PRKAG2: variants seen among roughly 807,000 people sequenced by gnomAD.
PRKAG2 encodes the protein 5'-AMP-activated protein kinase subunit gamma-2.
A neutral mutation model predicts 69.6 loss-of-function variants in PRKAG2; 26 were observed. The observed-to-expected ratio is 0.37, with a 90% CI of 0.27 to 0.52. PRKAG2 has a LOEUF of 0.52. Among genes scored for constraint, PRKAG2 ranks in the 20% least tolerant of loss-of-function variants. The pLI, the probability that PRKAG2 is intolerant of heterozygous loss-of-function variation, is 0.90. For missense variants in PRKAG2, 557 were observed against 740.0 expected, an observed-to-expected ratio of 0.75 and a Z score of 2.87; for synonymous variants, 293 against 285.0, an observed-to-expected ratio of 1.03 and a Z score of -0.28.
At chr7:151,732,133 C>CTT (rs59078328) in intron 3 of PRKAG2, among the ~76,000 whole-genome samples, 15 of 94,868 alleles carry the variant, frequency 1.6e-4, no homozygotes, top group South Asian at 3.9e-4. Context: ...CAGCACCTGG[C>CTT]TTTTTTTTTT....
Position 151,756,676 on chromosome 7 carries a change from G to A in PRKAG2, c.466+24476C>T, listed in dbSNP as rs568635247. Among the ~76,000 whole-genome samples the A allele has an allele frequency of 2.0e-4, 31 of 152,200 alleles. No individual in the cohort carries two copies. The highest frequency in any genetic ancestry group is 6.5e-4 in the African/African-American group (27 of 41,534). ...AACTGCAGCTCCTGGTTCCAGCCCC[G>A]CCAGGGCTCCCAGCGCCGCCCTCTT... On this transcript the variant is annotated intron_variant, in intron 3 of 15. Transcript: ENST00000287878. This position sits in a 1 kb window ranked among gnomAD's most constrained non-coding sequence, Gnocchi z 4.9.
intron 1 of PRKAG2, among the ~76,000 whole-genome samples, chr7:151,827,288 G>T (rs2078923794): frequency 6.6e-6 from 1 of 151,964 alleles, no homozygotes; most frequent in African/African-American, 2.4e-5. Flanking sequence ...GCCTAGGCTG[G>T]AGTGCAGTGG....
intron 1 of PRKAG2, among the ~76,000 whole-genome samples, chr7:151,826,241 C>T (rs187089841): frequency 2.0e-5 from 3 of 151,864 alleles, no homozygotes; most frequent in Admixed American, 1.3e-4. Flanking sequence ...AGTGCAGTGG[C>T]GTGACCTCGG....
chr7:151,575,894 G>A (rs1345090326), intron 7 of PRKAG2, among the ~76,000 whole-genome samples: 6 of 140,938 alleles, frequency 4.3e-5, no homozygotes, highest in East Asian at 4.1e-4. Context: ...TCAATGAGGC[G>A]GCAAAAAAAA....
chr7:151,664,582 C>T (rs1308539914), intron 4 of PRKAG2, among the ~76,000 whole-genome samples: 1 of 152,134 alleles, frequency 6.6e-6, no homozygotes, highest in Non-Finnish European at 1.5e-5. Context: ...GGCTTCTGTC[C>T]CTGGCTTTGA....
At chr7:151,559,529 A>T in intron 15 of PRKAG2, 1 of 982,666 alleles carries the variant, frequency 1.0e-6, no homozygotes, top group Non-Finnish European at 1.2e-6. Context: ...GCCTGGCCTG[A>T]GGACCACCTC....
intron 3 of PRKAG2, among the ~76,000 whole-genome samples, chr7:151,776,100 C>T (rs369796067): frequency 5.9e-5 from 9 of 152,134 alleles, no homozygotes; most frequent in Non-Finnish European, 1.2e-4. Context: ...CCATAGGGCT[C>T]GGGGAGGGAT....
rs1050780176 is a variant in PRKAG2 at position 151,835,457 on chromosome 7, G to A, written c.114+41050C>T. Reference sequence around the variant, plus strand: ...GATCCTCCCACCTCGGCCCCACAAAGTGCTGGGATTACAGGCATTAACCAC... The same window carrying A: ...GATCCTCCCACCTCGGCCCCACAAAATGCTGGGATTACAGGCATTAACCAC... On this transcript the variant is annotated intron_variant, in intron 1 of 15. Transcript: ENST00000287878. The surrounding 1 kb of genome is among the most constrained non-coding windows in gnomAD (Gnocchi z 4.1). 6.6e-6 allele frequency among the ~76,000 whole-genome samples: 1 copy of A among 152,072 alleles called. No individual in the cohort carries two copies. The highest frequency in any genetic ancestry group is 1.5e-5 in the Non-Finnish European group (1 of 67,998).
rs1796646802 is a variant in PRKAG2 at position 151,719,181 on chromosome 7, A to G, written c.467-43544T>C. Among the ~76,000 whole-genome samples, 1 of 152,184 alleles carries G rather than the reference A, an allele frequency of 6.6e-6. No homozygotes were observed. Among genetic ancestry groups the G allele is most frequent in the Non-Finnish European group, 1.5e-5 (1 of 68,030 alleles). On this transcript the variant is annotated intron_variant, in intron 3 of 15. Coordinates refer to ENST00000287878, the MANE Select transcript of PRKAG2 (RefSeq NM_016203.4). The surrounding 1 kb of genome is among the most constrained non-coding windows in gnomAD (Gnocchi z 5.2). ...CCAGCTCAGCGGTGGAAGCAGTGGA[A>G]GTGCAGACAGAAAGCCCCATGGCAG...
intron 3 of PRKAG2, among the ~76,000 whole-genome samples, chr7:151,755,002 G>T (rs2074982105): frequency 6.6e-6 from 1 of 152,148 alleles, no homozygotes; most frequent in Admixed American, 6.5e-5. Flanking sequence ...GTACATCAGG[G>T]AGTGCTCTTG....
intron 3 of PRKAG2, among the ~76,000 whole-genome samples, chr7:151,688,051 C>CCCT (rs1554539800): frequency 1.8e-4 from 26 of 145,852 alleles, no homozygotes; most frequent in African/African-American, 6.3e-4. Flanking sequence ...GGCCCCCCCC[C>CCCT]GGGCTCCTTG....
chr7:151,607,654 C>T (rs1817828016), intron 5 of PRKAG2, among the ~76,000 whole-genome samples: 1 of 152,164 alleles, frequency 6.6e-6, no homozygotes, highest in African/African-American at 2.4e-5. Context: ...GCCTCATCTC[C>T]TATCACATCC....
At chr7:151,755,327 C>T (rs2075013182) in intron 3 of PRKAG2, among the ~76,000 whole-genome samples, 1 of 152,094 alleles carries the variant, frequency 6.6e-6, no homozygotes, top group African/African-American at 2.4e-5. Context: ...TAGCAGAGGG[C>T]CTAGGGGACA....
chr7:151,563,593 A>G (rs1006130645), intron 14 of PRKAG2, among the ~76,000 whole-genome samples: 1 of 152,192 alleles, frequency 6.6e-6, no homozygotes, highest in Admixed American at 6.5e-5. Flanking sequence ...ACATCGATCT[A>G]TTTAGAGACA....
At chr7:151,796,548 G>C (rs924637646) in intron 1 of PRKAG2, among the ~76,000 whole-genome samples, 1 of 152,146 alleles carries the variant, frequency 6.6e-6, no homozygotes, top group Non-Finnish European at 1.5e-5. Context: ...GCCTTCGCAC[G>C]CTGGGTAACA....
intron 4 of PRKAG2, among the ~76,000 whole-genome samples, chr7:151,667,220 C>T (rs945196170): frequency 6.6e-6 from 1 of 152,190 alleles, no homozygotes; most frequent in Admixed American, 6.5e-5. Flanking sequence ...ACCCTCTGCC[C>T]AATCTTCCTG....
rs577566525 is a variant in PRKAG2 at position 151,807,543 on chromosome 7, A to G, written c.115-21002T>C. The G allele has an allele frequency of 8.7e-6, 4 of 457,864 alleles. No individual in the cohort carries two copies. The highest frequency in any genetic ancestry group is 6.0e-5 in the African/African-American group (3 of 50,202). The allele number at this position is 457,864 out of a possible 1,614,324, so 28.4% of individuals were successfully genotyped here. On this transcript the variant is annotated intron_variant, in intron 1 of 15. Coordinates refer to ENST00000287878, the MANE Select transcript of PRKAG2 (RefSeq NM_016203.4). This position sits in a 1 kb window ranked among gnomAD's most constrained non-coding sequence, Gnocchi z 4.4. ...CAACCTACGAGCTGAAATGGCCAGC[A>G]CTGCGCCTTCCAGAACCCAGCGTAG...
chr7:151,588,733 C>CT (rs1164182449), intron 6 of PRKAG2, among the ~76,000 whole-genome samples: 5 of 111,576 alleles, frequency 4.5e-5, no homozygotes, highest in East Asian at 3.7e-4. Flanking sequence ...TAAGACATGA[C>CT]TTGCTTCTCC....
rs74363213 is a variant in PRKAG2, at chr7:151,597,170, G to A, written c.755-1716C>T. Among the ~76,000 whole-genome samples, 714 of 152,214 alleles carry A rather than the reference G, an allele frequency of 4.7e-3. 4 individuals are homozygous for A. Among genetic ancestry groups the A allele is most frequent in the African/African-American group, 0.016 (663 of 41,532 alleles). On this transcript the variant is annotated intron_variant, in intron 5 of 15. Transcript: ENST00000287878. The stretch of plus-strand genomic sequence containing the variant: ...GACAAAGGTTCCAAGAATACACACC[G>A]GGCAAAGGGTGGTCTCTTCCATAAA...
Sources: gnomAD v4.1 joint callset for allele counts (sites outside exome capture counted in the v4.1 genomes callset) on GRCh38, gnomAD v4.1.1 for gene constraint, Gnocchi (gnomAD v3.1) non-coding constraint, MANE v1.5 for transcripts, NCBI Gene and HGNC (gene_info 2026-07-23, HGNC 2026-07-21) for gene names.